APP: variants seen among roughly 807,000 people sequenced by gnomAD.
APP encodes the protein amyloid beta precursor protein, also known as amyloid-beta precursor protein.
A neutral mutation model predicts 101.4 loss-of-function variants in APP; 31 were observed. The ratio of observed to expected loss-of-function variants is 0.31; its 90% CI spans 0.23 to 0.41. The LOEUF (loss-of-function observed/expected upper bound fraction) is 0.41, where lower values mean the gene tolerates loss of function less well. Among genes scored for constraint, APP ranks in the 10% least tolerant of loss-of-function variants. APP has a pLI of 1.00. For synonymous variants in APP, 366 were observed against 364.4 expected (o/e 1.00, Z -0.05); for missense variants, 839 against 1,003.7 (o/e 0.84, Z 2.22).
chr21:26,126,603 TG>T (rs1034893508), intron 1 of APP, among the ~76,000 whole-genome samples: 5 of 152,072 alleles, frequency 3.3e-5, no homozygotes, highest in Admixed American at 2.0e-4. Flanking sequence ...TTGGCAAAGA[TG>T]ATTGTCACGA....
At chr21:26,062,436 G>A (rs2046306990) in intron 3 of APP, among the ~76,000 whole-genome samples, 1 of 152,034 alleles carries the variant, frequency 6.6e-6, no homozygotes, top group African/African-American at 2.4e-5. Flanking sequence ...GCCGAGGCAA[G>A]TGGATCACCT....
At chr21:25,913,236 G>C (rs2039171677) in intron 13 of APP, among the ~76,000 whole-genome samples, 1 of 152,288 alleles carries the variant, frequency 6.6e-6, no homozygotes, top group South Asian at 2.1e-4. Context: ...TAAAGCTTGT[G>C]ATTAATATCT....
At chr21:25,928,215 G>A (rs554077812) in intron 13 of APP, among the ~76,000 whole-genome samples, 93 of 151,914 alleles carry the variant, frequency 6.1e-4, no homozygotes, top group African/African-American at 2.0e-3. Flanking sequence ...TGGTGCAGGC[G>A]CCTGTAGTCC....
At chr21:25,912,732 C>A (rs1214245684) in intron 13 of APP, among the ~76,000 whole-genome samples, 1 of 117,396 alleles carries the variant, frequency 8.5e-6, no homozygotes, top group Non-Finnish European at 1.7e-5. Context: ...GTGCCGCCTA[C>A]CCCCCCACTT....
intron 1 of APP, among the ~76,000 whole-genome samples, chr21:26,131,159 G>A (rs577523277): frequency 6.6e-6 from 1 of 152,192 alleles, no homozygotes; most frequent in South Asian, 2.1e-4. Context: ...AACCCAGGAG[G>A]CGGAGGTTGC....
intron 13 of APP, chr21:25,937,907 T>C (rs2040422804): frequency 6.6e-6 from 1 of 152,160 alleles, no homozygotes; most frequent in East Asian, 1.9e-4. Flanking sequence ...CTAGCTGGGA[T>C]TACAGGTGTG....
chr21:26,075,433 C>T (rs2061482896), intron 3 of APP, among the ~76,000 whole-genome samples: 1 of 152,178 alleles, frequency 6.6e-6, no homozygotes, highest in Non-Finnish European at 1.5e-5. Context: ...TTGTCCCAAC[C>T]TATTACCCTA....
chr21:26,125,123 G>C (rs987350304), intron 1 of APP, among the ~76,000 whole-genome samples: 4 of 152,174 alleles, frequency 2.6e-5, no homozygotes, highest in Admixed American at 1.3e-4. Context: ...GGTCGGACAG[G>C]AAGCATGAAA....
intron 14 of APP, among the ~76,000 whole-genome samples, chr21:25,909,654 A>G (rs1370728382): frequency 1.3e-5 from 2 of 152,220 alleles, no homozygotes; most frequent in Non-Finnish European, 2.9e-5. Flanking sequence ...GTATGCTGTT[A>G]GTAAAAGAGC....
intron 13 of APP, among the ~76,000 whole-genome samples, chr21:25,947,648 G>A (rs1329407133): frequency 6.6e-6 from 1 of 152,096 alleles, no homozygotes; most frequent in Non-Finnish European, 1.5e-5. Flanking sequence ...ATATGAATAA[G>A]GAGCTCTGAG....
Position 26,089,927 on chromosome 21 carries a change from C to CGGCCG in APP, c.355+11_355+15dup. 1 of 1,613,736 alleles carries CGGCCG rather than the reference C, an allele frequency of 6.2e-7. No individual in the cohort carries two copies. The highest frequency in any genetic ancestry group is 8.5e-7 in the Non-Finnish European group (1 of 1,179,750). ...AGGCCCCCAATCAACACCAGCCCCA[C>CGGCCG]GGCCGGCCGGCTCACCTAAGCAGCG... On this transcript the variant is annotated intron_variant, in intron 3 of 17. Transcript: ENST00000346798.
chr21:26,058,042 G>A (rs2046112195), intron 3 of APP, among the ~76,000 whole-genome samples: 1 of 152,194 alleles, frequency 6.6e-6, no homozygotes, highest in Non-Finnish European at 1.5e-5. Flanking sequence ...CACCTAAGAA[G>A]TGACACTGAA....
chr21:25,939,443 A>G (rs2040485937), intron 13 of APP, among the ~76,000 whole-genome samples: 1 of 152,210 alleles, frequency 6.6e-6, no homozygotes, highest in African/African-American at 2.4e-5. Flanking sequence ...TCCTATACCT[A>G]AAGGATCTAC....
intron 6 of APP, among the ~76,000 whole-genome samples, chr21:26,017,481 A>G (rs541920753): frequency 2.9e-4 from 44 of 152,172 alleles, no homozygotes; most frequent in Non-Finnish European, 5.3e-4. Context: ...TATATCTGCA[A>G]CAAAGGCTTC....
chr21:26,169,969 G>GGCT (rs2063706671), intron 1 of APP, among the ~76,000 whole-genome samples: 1 of 152,188 alleles, frequency 6.6e-6, no homozygotes, highest in Admixed American at 6.5e-5. Context: ...GTCGCACCCA[G>GGCT]GCTGCCGCCG....
intron 3 of APP, among the ~76,000 whole-genome samples, chr21:26,056,306 G>A (rs535842602): frequency 3.4e-4 from 52 of 152,254 alleles, no homozygotes; most frequent in African/African-American, 1.2e-3. Flanking sequence ...CCAAAGTGCC[G>A]GGATTACAGA....
chr21:26,149,977 A>C (rs1481050595), intron 1 of APP, among the ~76,000 whole-genome samples: 2 of 152,210 alleles, frequency 1.3e-5, no homozygotes, highest in Non-Finnish European at 2.9e-5. Context: ...AGGGGAAAAA[A>C]ACCTTTTTTC....
At chr21:25,915,386 G>T (rs2039304808) in intron 13 of APP, among the ~76,000 whole-genome samples, 1 of 152,188 alleles carries the variant, frequency 6.6e-6, no homozygotes, top group South Asian at 2.1e-4. Context: ...GAGGCTGGGA[G>T]AAAGGAACCA....
At chr21:26,119,518 C>G (rs914187074) in intron 1 of APP, among the ~76,000 whole-genome samples, 1 of 152,196 alleles carries the variant, frequency 6.6e-6, no homozygotes, top group Non-Finnish European at 1.5e-5. Context: ...AGTAGAAGTC[C>G]AAATCTCCCA....
Sources: gnomAD v4.1 joint callset for allele counts (sites outside exome capture counted in the v4.1 genomes callset) on GRCh38, gnomAD v4.1.1 for gene constraint, MANE v1.5 for transcripts, NCBI Gene and HGNC (gene_info 2026-07-23, HGNC 2026-07-21) for gene names.